Variants in ASPRV1 observed in about 807,000 individuals in gnomAD.
ASPRV1 encodes aspartic peptidase retroviral like 1, also known as retroviral-like aspartic protease 1.
Under a neutral mutation model 11.0 loss-of-function variants are expected in ASPRV1, and 7 were observed. The ratio of observed to expected loss-of-function variants is 0.64; its 90% confidence interval spans 0.36 to 1.20. The LOEUF is 1.20. Among genes scored for constraint, ASPRV1 ranks in the 50% most tolerant of loss-of-function variants. ASPRV1 has a pLI of 0.02. For synonymous variants in ASPRV1, 136 were observed against 138.4 expected (o/e 0.98, Z 0.12); for missense variants, 299 against 320.0 (o/e 0.93, Z 0.50).
At chr2:70,042,360 C>T in the ASPRV1 span, among the ~76,000 whole-genome samples, 1 of 152,050 alleles carries the variant, frequency 6.6e-6, no homozygotes, top group Non-Finnish European at 1.5e-5. Context: ...TGTGCATGGA[C>T]AGAACTCTAC....
At chr2:70,054,681 A>G in the ASPRV1 span, among the ~76,000 whole-genome samples, 1 of 152,176 alleles carries the variant, frequency 6.6e-6, no homozygotes, top group Admixed American at 6.5e-5. Context: ...CAAATGGAGA[A>G]GTGGGTAAAG....
At chr2:70,051,140 G>C in the ASPRV1 span, 7 of 151,988 alleles carry the variant, frequency 4.6e-5, no homozygotes, top group African/African-American at 1.7e-4. Flanking sequence ...TATAAAATAG[G>C]TGCTATCATT....
chr2:69,946,804 AG>A, the ASPRV1 span, among the ~76,000 whole-genome samples: 1 of 151,946 alleles, frequency 6.6e-6, no homozygotes, highest in African/African-American at 2.4e-5. Context: ...GGGCATTGAC[AG>A]TGGAGGGGTG....
chr2:69,952,379 A>G, the ASPRV1 span, among the ~76,000 whole-genome samples: 1 of 152,072 alleles, frequency 6.6e-6, no homozygotes, highest in Non-Finnish European at 1.5e-5. Context: ...GGTGGCCCAC[A>G]TCTATAGTCC....
chr2:69,995,838 G>C, the ASPRV1 span, among the ~76,000 whole-genome samples: 2 of 152,166 alleles, frequency 1.3e-5, no homozygotes, highest in African/African-American at 4.8e-5. Context: ...CAGCGTTAGG[G>C]GGAGAAAGAA....
At chr2:69,966,064 A>C (rs553533243), upstream of ASPRV1, among the ~76,000 whole-genome samples, 192 of 152,330 alleles carry the variant, frequency 1.3e-3, no homozygotes, top group African/African-American at 4.4e-3. Flanking sequence ...TGCTTAATGC[A>C]AGTCCCAACC....
chr2:69,987,411 T>G, the ASPRV1 span, among the ~76,000 whole-genome samples: 1 of 151,826 alleles, frequency 6.6e-6, no homozygotes, highest in Non-Finnish European at 1.5e-5. Flanking sequence ...CTGGGCCTCT[T>G]GACTCTTATC....
the ASPRV1 span, among the ~76,000 whole-genome samples, chr2:70,024,382 G>C: frequency 1.3e-5 from 2 of 152,188 alleles, no homozygotes; most frequent in African/African-American, 2.4e-5. Flanking sequence ...TGTGACAAAA[G>C]AGATGGCTCT....
chr2:70,080,180 G>A, the ASPRV1 span, among the ~76,000 whole-genome samples: 35 of 151,088 alleles, frequency 2.3e-4, no homozygotes, highest in African/African-American at 7.0e-4. Context: ...AGCAAAACAT[G>A]GTAAGATTCA....
the ASPRV1 span, among the ~76,000 whole-genome samples, chr2:69,989,830 C>T: frequency 3.3e-5 from 5 of 152,176 alleles, no homozygotes; most frequent in African/African-American, 9.7e-5. Flanking sequence ...TTCTTGAAGG[C>T]GGGGACCCAC....
upstream of ASPRV1, among the ~76,000 whole-genome samples, chr2:69,965,490 T>C (rs1401253216): frequency 6.6e-6 from 1 of 152,006 alleles, no homozygotes; most frequent in Non-Finnish European, 1.5e-5. Flanking sequence ...CATAAACTCA[T>C]AATGTTTTAA....
At chr2:70,042,261 T>C in the ASPRV1 span, among the ~76,000 whole-genome samples, 2 of 152,170 alleles carry the variant, frequency 1.3e-5, no homozygotes, top group Non-Finnish European at 2.9e-5. Flanking sequence ...AAGAGCCTTG[T>C]TCCAGAAGGC....
chr2:70,002,880 G>T, the ASPRV1 span, among the ~76,000 whole-genome samples: 1 of 152,168 alleles, frequency 6.6e-6, no homozygotes, highest in African/African-American at 2.4e-5. Flanking sequence ...GAGTGATAGA[G>T]TATGCTCTTA....
At chr2:70,077,320 G>A in the ASPRV1 span, 1 of 152,140 alleles carries the variant, frequency 6.6e-6, no homozygotes, top group African/African-American at 2.4e-5. Context: ...ACCTCACTGA[G>A]TAGCTGGGAG....
chr2:70,075,528 T>C, the ASPRV1 span, among the ~76,000 whole-genome samples: 3 of 152,138 alleles, frequency 2.0e-5, no homozygotes, highest in African/African-American at 4.8e-5. Context: ...AGATAATCCA[T>C]GTAGAGTACA....
chr2:69,934,538 C>T, the ASPRV1 span, among the ~76,000 whole-genome samples: 1 of 152,172 alleles, frequency 6.6e-6, no homozygotes, highest in African/African-American at 2.4e-5. Flanking sequence ...TCAGTAAAAA[C>T]CCCCATCACT....
the ASPRV1 span, among the ~76,000 whole-genome samples, chr2:70,024,983 GA>G: frequency 6.6e-6 from 1 of 152,178 alleles, no homozygotes; most frequent in South Asian, 2.1e-4. Flanking sequence ...TCCACCTTTT[GA>G]ACCTTGCACT....
the ASPRV1 span, among the ~76,000 whole-genome samples, chr2:69,983,092 T>C: frequency 1.2e-3 from 177 of 152,236 alleles, no homozygotes; most frequent in African/African-American, 4.0e-3. Context: ...CTAATTTTTG[T>C]ATCTTTAGTA....
chr2:70,010,072 G>A, the ASPRV1 span, among the ~76,000 whole-genome samples: 1 of 152,156 alleles, frequency 6.6e-6, no homozygotes, highest in Non-Finnish European at 1.5e-5. Context: ...AGCTGGAGGA[G>A]GGGAAAAGAC....
Sources: gnomAD v4.1 joint callset for allele counts (sites outside exome capture counted in the v4.1 genomes callset) on GRCh38, gnomAD v4.1.1 for gene constraint, MANE v1.5 for transcripts, NCBI Gene and HGNC (gene_info 2026-07-23, HGNC 2026-07-21) for gene names.